COL1A1: variants seen among roughly 807,000 people sequenced by gnomAD.
COL1A1 encodes the protein collagen type I alpha 1 chain.
A neutral mutation model predicts 195.7 loss-of-function variants in COL1A1; 21 were observed. The ratio of observed to expected loss-of-function variants is 0.11; its 90% CI spans 0.08 to 0.15. The LOEUF (loss-of-function observed/expected upper bound fraction) is 0.15. Ranked by LOEUF, COL1A1 falls within the 10% of genes least tolerant of loss-of-function variation. The pLI is 1.00. For missense variants in COL1A1, 1,365 were observed against 2,051.0 expected (o/e 0.67, Z 6.46); for synonymous variants, 749 against 747.3 (o/e 1.00, Z -0.04).
Position 50,189,900 on chromosome 17 carries a change from C to T in COL1A1, c.2572G>A (p.Ala858Thr), listed in dbSNP as rs773428245. The change falls in exon 37 of 51, where the codon GCT becomes ACT. Residue 858 changes from alanine (A) to threonine (T), a missense_variant. This residue lies in a region of COL1A1 where 671 missense variants were observed against 1,099.9 expected (regional missense o/e 0.61). Coordinates refer to ENST00000225964, the MANE Select transcript of COL1A1 (RefSeq NM_000088.4). The surrounding 1 kb of genome is among the most constrained non-coding windows in gnomAD (Gnocchi z 5.5). ...GPPGPIGNVG[A>T]PGAKGARGSA... ...CCGCGAGCACCTTTGGCTCCAGGAG[C>T]ACCAACATTACCCTGTAGGAGAGCA... The T allele has an allele frequency of 3.1e-6, 5 of 1,611,610 alleles. No homozygotes were observed. The African/African-American group carries it at 5.3e-5, about 17-fold the overall frequency.
intron 11 of COL1A1, 97 bp downstream of exon 11, chr17:50,196,913 A>C (rs1399797239): frequency 7.1e-7 from 1 of 1,404,722 alleles, no homozygotes; most frequent in African/African-American, 1.4e-5. Flanking sequence ...GCTGCCACCC[A>C]CCATGATGCA....
chr17:50,186,078 C>G lies in COL1A1; in HGVS notation c.4006-58G>C. ...CGCTATGCGGGAACCTCTAGTCCTG[C>G]CTGGCCTCCCTGTCCAGGGTCCTCA... On this transcript the variant is annotated intron_variant, in intron 49 of 50. Transcript: ENST00000225964. This position sits in a 1 kb window ranked among gnomAD's most constrained non-coding sequence, Gnocchi z 5.3. 3 of 1,601,420 alleles carry G rather than the reference C, an allele frequency of 1.9e-6. No homozygotes were observed. Among genetic ancestry groups the G allele is most frequent in the East Asian group, 4.5e-5 (2 of 44,808 alleles).
rs953698750 is a variant in COL1A1 at position 50,185,329 on chromosome 17, A to C, written c.*173T>G. 88 of 689,474 alleles carry C rather than the reference A, an allele frequency of 1.3e-4. No homozygotes were observed. The African/African-American group carries it at 1.5e-3, about 12-fold the overall frequency. 42.7% of individuals were successfully genotyped at this position (689,474 alleles called of 1,614,324 possible). On this transcript the variant is annotated 3_prime_UTR_variant, in exon 51 of 51. Transcript: ENST00000225964. The stretch of plus-strand genomic sequence containing the variant: ...TGGTCATGTTCGGTTGGTCAAAGAT[A>C]AAAACTAAGTTTGAGAGATGAATGC...
In COL1A1 at chr17:50,194,361, C is replaced by A; in HGVS notation, c.1602G>T (p.Leu534=). The A allele has an allele frequency of 1.2e-6, 2 of 1,614,104 alleles. No individual in the cohort carries two copies. Among genetic ancestry groups the A allele is most frequent in the African/African-American group, 1.3e-5 (1 of 75,018 alleles). Residue 534 remains leucine (L), a synonymous_variant, in exon 23 of 51, where the codon CTG becomes CTT. Transcript: ENST00000225964. The surrounding 1 kb of genome is among the most constrained non-coding windows in gnomAD (Gnocchi z 6.8). ...CCTGGGGCCTCACCTTGGCACCAGGCAGACCAGCTTCACCGGGACGACCAG... is the reference window on the plus strand; with the variant it reads ...CCTGGGGCCTCACCTTGGCACCAGGAAGACCAGCTTCACCGGGACGACCAG... The part of the protein sequence containing the change: ...GEAGRPGEAG[L]PGAKGLTGSP...
At chr17:50,192,090 C>T in intron 29 of COL1A1, 66 bp from the exon 30 acceptor site, 1 of 1,540,036 alleles carries the variant, frequency 6.5e-7, no homozygotes, top group Non-Finnish European at 8.9e-7. Flanking sequence ...TGCTGGAAAG[C>T]ACGGTCCTTC....
chr17:50,185,348 T>C lies in COL1A1; in HGVS notation c.*154A>G, dbSNP rs1906393084. On this transcript the variant is annotated 3_prime_UTR_variant, in exon 51 of 51. Transcript: ENST00000225964. Reference sequence around the variant, plus strand: ...AAAGATAAAAACTAAGTTTGAGAGATGAATGCAAAGGAAAAAAATATTTTC... The same window carrying C: ...AAAGATAAAAACTAAGTTTGAGAGACGAATGCAAAGGAAAAAAATATTTTC... 7.2e-6 allele frequency: 6 copies of C among 838,474 alleles called. No individual in the cohort carries two copies. Among genetic ancestry groups the C allele is most frequent in the Non-Finnish European group, 1.1e-5 (6 of 534,986 alleles). 51.9% of individuals were successfully genotyped at this position (838,474 alleles called of 1,614,324 possible).
rs550898576 is a variant in COL1A1, at chr17:50,187,773, G to A, written c.3369+103C>T. On this transcript the variant is annotated intron_variant, in intron 45 of 50. Coordinates refer to ENST00000225964, the MANE Select transcript of COL1A1 (RefSeq NM_000088.4). ...AATCTTCAGACCCCAGTCCCCACTA[G>A]GGAGGGGAAAGAATGACTATCCAGA... The A allele has an allele frequency of 1.4e-4, 168 of 1,159,712 alleles. 1 individual carries two copies. In the East Asian group the frequency reaches 3.0e-3, roughly 21 times the overall value. The allele number at this position is 1,159,712 out of a possible 1,614,324, so 71.8% of individuals were successfully genotyped here.
chr17:50,195,974 A>G lies in COL1A1; in HGVS notation c.1005T>C (p.Gly335=). 6.3e-7 allele frequency: 1 copy of G among 1,595,502 alleles called. No homozygotes were observed. Residue 335 remains glycine (G), a splice_region_variant and synonymous_variant, in exon 16 of 51, where the codon GGT becomes GGC. Transcript: ENST00000225964. This position sits in a 1 kb window ranked among gnomAD's most constrained non-coding sequence, Gnocchi z 4.3. The stretch of plus-strand genomic sequence containing the variant: ...CAGGAGGACCAGCGGGGCCGGTGGG[A>G]CCCTGTGAATGAAATGGAGATGTCA... ...DGATGAAGPP[G]PTGPAGPPGF... is the part of the protein sequence containing the mutation.
chr17:50,195,988 A>C lies in COL1A1; in HGVS notation c.1003-12T>G. On this transcript the variant is annotated splice_polypyrimidine_tract_variant and intron_variant, in intron 15 of 50. Coordinates refer to ENST00000225964, the MANE Select transcript of COL1A1 (RefSeq NM_000088.4). This position sits in a 1 kb window ranked among gnomAD's most constrained non-coding sequence, Gnocchi z 4.3. ...GGGCCGGTGGGACCCTGTGAATGAA[A>C]TGGAGATGTCAGCGAGAAGGAAGAG... is the stretch of plus-strand genomic sequence containing the variant. 1 of 1,597,478 alleles carries C rather than the reference A, an allele frequency of 6.3e-7. No homozygotes were observed. The highest frequency in any genetic ancestry group is 8.5e-7 in the Non-Finnish European group (1 of 1,171,740).
chr17:50,194,672 C>T lies in COL1A1; in HGVS notation c.1462-46G>A. 1 of 1,557,974 alleles carries T rather than the reference C, an allele frequency of 6.4e-7. No individual in the cohort carries two copies. Among genetic ancestry groups the T allele is most frequent in the South Asian group, 1.2e-5 (1 of 85,082 alleles). On this transcript the variant is annotated intron_variant, in intron 21 of 50. Transcript: ENST00000225964. The surrounding 1 kb of genome is among the most constrained non-coding windows in gnomAD (Gnocchi z 6.8). ...AGTGAACTCCGCGACACACAGGCAC[C>T]AGCCAGGCAATGAGGGTGGAGCGGG...
Position 50,198,012 on chromosome 17 carries a change from A to G in COL1A1, c.589-10T>C. On this transcript the variant is annotated splice_polypyrimidine_tract_variant and intron_variant, in intron 7 of 50. Transcript: ENST00000225964. ...GGAAGCCTTGGGGACCCTTGAGAAG[A>G]AGGAAAAAGATGGGTTAGAAGACAA... The G allele has an allele frequency of 6.2e-7, 1 of 1,613,984 alleles. No individual in the cohort carries two copies. The highest frequency in any genetic ancestry group is 8.5e-7 in the Non-Finnish European group (1 of 1,179,974).
Position 50,197,723 on chromosome 17 carries a change from G to C in COL1A1, c.696+9C>G, listed in dbSNP as rs1213045062. ...GGTCAGATGGTATCTTCTTGCTGGGGATACTTACATCATCTCCATTCTTTC... is the reference window on the plus strand; with the variant it reads ...GGTCAGATGGTATCTTCTTGCTGGGCATACTTACATCATCTCCATTCTTTC... On this transcript the variant is annotated intron_variant, in intron 9 of 50. Coordinates refer to ENST00000225964, the MANE Select transcript of COL1A1 (RefSeq NM_000088.4). The C allele has an allele frequency of 1.3e-6, 2 of 1,579,346 alleles. No individual in the cohort carries two copies. Among genetic ancestry groups the C allele is most frequent in the African/African-American group, 1.4e-5 (1 of 72,770 alleles).
At position 50,185,314 on chromosome 17, in the gene COL1A1, C is replaced by T. The variant is rs572007575; in HGVS notation, c.*188G>A. On this transcript the variant is annotated 3_prime_UTR_variant, in exon 51 of 51. Transcript: ENST00000225964. ...TGCACTTTTGGTTTTTGGTCATGTT[C>T]GGTTGGTCAAAGATAAAAACTAAGT... 2.2e-4 allele frequency: 61 copies of T among 282,228 alleles called. No individual in the cohort carries two copies. Among genetic ancestry groups the T allele is most frequent in the African/African-American group, 1.6e-3 (43 of 27,500 alleles). 17.5% of individuals were successfully genotyped at this position (282,228 alleles called of 1,614,324 possible).
chr17:50,190,097 G>C lies in COL1A1; in HGVS notation c.2463C>G (p.Gly821=). The change falls in exon 36 of 51, where the codon GGC becomes GGG. Residue 821 remains glycine, a synonymous_variant. Coordinates refer to ENST00000225964, the MANE Select transcript of COL1A1 (RefSeq NM_000088.4). This position sits in a 1 kb window ranked among gnomAD's most constrained non-coding sequence, Gnocchi z 4.7. ...AGFAGPPGAD[G]QPGAKGEPGD... is the part of the protein sequence containing the mutation. ...CAGGTTCGCCTTTAGCACCAGGTTG[G>C]CCGTCAGCACCCTGGGGGAGGAAGC... is the stretch of plus-strand genomic sequence containing the variant. 1 of 1,613,520 alleles carries C rather than the reference G, an allele frequency of 6.2e-7. No individual in the cohort carries two copies. Among genetic ancestry groups the C allele is most frequent in the South Asian group, 1.1e-5 (1 of 91,050 alleles).
intron 5 of COL1A1, among the ~76,000 whole-genome samples, chr17:50,198,894 C>T (rs142101140): frequency 1.6e-4 from 24 of 152,226 alleles, no homozygotes; most frequent in East Asian, 9.6e-4. Context: ...ACTTTGAATA[C>T]GGACTGCACA....
In COL1A1 at chr17:50,191,402, G is replaced by A. The variant is rs755786796; in HGVS notation, c.2216C>T (p.Pro739Leu). Residue 739 changes from proline to leucine, a missense_variant, in exon 32 of 51, where the codon CCA becomes CTA. Pro to Leu is a moderately conservative substitution (Grantham distance 98). Around this residue, in one of 5 missense-constraint regions of COL1A1, gnomAD observed 671 missense variants for 1,099.9 expected, o/e 0.61. Transcript: ENST00000225964. ...MPGERGAAGLPGPKGDRGDAG... is the reference protein window; with the variant it reads ...MPGERGAAGLLGPKGDRGDAG... ...ACTTACTCTGTCACCCTTAGGCCCTGGAAGACCAGCTGCACCACGTTCACC... is the reference window on the plus strand; with the variant it reads ...ACTTACTCTGTCACCCTTAGGCCCTAGAAGACCAGCTGCACCACGTTCACC... The A allele has an allele frequency of 8.7e-6, 14 of 1,613,954 alleles. No individual in the cohort carries two copies. The East Asian group carries it at 3.1e-4, about 36-fold the overall frequency.
At chr17:50,196,693 G>A (rs776364144) in intron 11 of COL1A1, 23 bp from the exon 12 acceptor site, 3 of 1,613,946 alleles carry the variant, frequency 1.9e-6, no homozygotes, top group South Asian at 1.1e-5. Flanking sequence ...AGAGGTAGAA[G>A]GTAAGAACCT....
intron 25 of COL1A1, among the ~76,000 whole-genome samples, chr17:50,193,289 A>C (rs1392769882): frequency 3.3e-5 from 5 of 152,034 alleles, no homozygotes; most frequent in Non-Finnish European, 5.9e-5. Flanking sequence ...CCTGCACTGC[A>C]AAGGGCTTTC....
chr17:50,188,279 C>T lies in COL1A1; in HGVS notation c.3208-130G>A. 2.0e-6 allele frequency: 2 copies of T among 980,742 alleles called. No homozygotes were observed. Among genetic ancestry groups the T allele is most frequent in the Non-Finnish European group, 3.0e-6 (2 of 669,016 alleles). 60.8% of individuals were successfully genotyped at this position (980,742 alleles called of 1,614,324 possible). A position where few individuals can be genotyped will look rare whatever the true frequency, so the allele number is the denominator to read the frequency against. On this transcript the variant is annotated intron_variant, in intron 43 of 50. Coordinates refer to ENST00000225964, the MANE Select transcript of COL1A1 (RefSeq NM_000088.4). This position sits in a 1 kb window ranked among gnomAD's most constrained non-coding sequence, Gnocchi z 5.6. ...CCCACTGTGGCCATCTCTCCCAACT[C>T]CCAGGGAAACCTCCCCACTGCAATC...
Sources: allele counts gnomAD v4.1 joint callset (sites outside exome capture counted in the v4.1 genomes callset), GRCh38; gene constraint gnomAD v4.1.1; regional missense constraint gnomAD v4.1.1; non-coding constraint Gnocchi (gnomAD v3.1); transcripts MANE v1.5; gene names NCBI Gene and HGNC (gene_info 2026-07-23, HGNC 2026-07-21).